Variants in SCMH1 observed in about 807,000 individuals in gnomAD.
The protein encoded by SCMH1 is Scm polycomb group protein homolog 1, also known as polycomb protein SCMH1.
SCMH1 carries 37 observed loss-of-function variants against 70.8 expected under a neutral mutation model. The ratio of observed to expected loss-of-function variants is 0.52; its 90% confidence interval spans 0.40 to 0.69. The LOEUF is 0.69. SCMH1 is among the 30% of genes least tolerant of loss of function. SCMH1 has a pLI of 0.00. For synonymous variants in SCMH1, 292 were observed against 307.4 expected (o/e 0.95, Z 0.52); for missense variants, 607 against 827.3 (o/e 0.73, Z 3.27).
At chr1:41,186,065 C>T in intron 2 of SCMH1, 56 bp downstream of exon 2, 1 of 1,538,102 alleles carries the variant, frequency 6.5e-7, no homozygotes, top group East Asian at 2.5e-5. Context: ...TAAAGCCAGT[C>T]CTTGCTAGGT....
intron 1 of SCMH1, among the ~76,000 whole-genome samples, chr1:41,188,082 A>G (rs1650733755): frequency 1.3e-5 from 2 of 152,224 alleles, no homozygotes; most frequent in African/African-American, 4.8e-5. Flanking sequence ...AAAGATAGTA[A>G]TGGCACTAAG....
chr1:41,038,960 CCCT>C (rs1645706300), intron 12 of SCMH1, among the ~76,000 whole-genome samples: 1 of 152,112 alleles, frequency 6.6e-6, no homozygotes, highest in Admixed American at 6.5e-5. Flanking sequence ...AAAAATCATC[CCCT>C]ATCATGCTGA....
chr1:41,028,527 C>T, intron 14 of SCMH1, 57 bp downstream of exon 15: 1 of 1,605,444 alleles, frequency 6.2e-7, no homozygotes, highest in Non-Finnish European at 8.5e-7. Flanking sequence ...GTATTGTCCC[C>T]ACCAGGTGAG....
chr1:41,232,865 T>C (rs1378159918), intron 1 of SCMH1, among the ~76,000 whole-genome samples: 1 of 152,222 alleles, frequency 6.6e-6, no homozygotes, highest in Non-Finnish European at 1.5e-5. Context: ...ACAAATTGGA[T>C]AAATGAATTC....
intron 8 of SCMH1, among the ~76,000 whole-genome samples, chr1:41,081,814 T>C (rs1660113566): frequency 1.9e-5 from 1 of 53,502 alleles, no homozygotes; most frequent in Admixed American, 2.1e-4. Flanking sequence ...AATAAGACTC[T>C]GTCTTAAAAA....
At chr1:41,088,650 G>A (rs1466112813) in intron 8 of SCMH1, among the ~76,000 whole-genome samples, 1 of 151,924 alleles carries the variant, frequency 6.6e-6, no homozygotes, top group Non-Finnish European at 1.5e-5. Flanking sequence ...TCACAACTGT[G>A]TTTTAAATGA....
At chr1:41,052,798 A>T (rs1648690266) in intron 10 of SCMH1, among the ~76,000 whole-genome samples, 1 of 152,186 alleles carries the variant, frequency 6.6e-6, no homozygotes, top group African/African-American at 2.4e-5. Context: ...ATCAGCATAA[A>T]GGTGGAAGTG....
intron 2 of SCMH1, among the ~76,000 whole-genome samples, chr1:41,176,984 T>A (rs1647197333): frequency 6.6e-6 from 1 of 152,144 alleles, no homozygotes; most frequent in African/African-American, 2.4e-5. Context: ...GTAGCCTAAC[T>A]GGGAGGCACC....
intron 8 of SCMH1, among the ~76,000 whole-genome samples, chr1:41,103,829 T>C (rs1667205581): frequency 6.6e-6 from 1 of 150,894 alleles, no homozygotes; most frequent in South Asian, 2.1e-4. Context: ...GGAATGGGAG[T>C]TTTTTTTTCT....
intron 6 of SCMH1, among the ~76,000 whole-genome samples, chr1:41,130,249 C>A (rs1230901600): frequency 6.6e-6 from 1 of 152,048 alleles, no homozygotes. Context: ...AACACAGTTG[C>A]AGGAGTTTTT....
At chr1:41,190,969 G>C (rs1402011381) in intron 1 of SCMH1, among the ~76,000 whole-genome samples, 1 of 152,132 alleles carries the variant, frequency 6.6e-6, no homozygotes, top group African/African-American at 2.4e-5. Flanking sequence ...CAAACTCCTG[G>C]ACTCACGCAA....
intron 1 of SCMH1, among the ~76,000 whole-genome samples, chr1:41,232,894 C>T (rs974511966): frequency 1.3e-5 from 2 of 152,080 alleles, no homozygotes; most frequent in Non-Finnish European, 2.9e-5. Context: ...TTTCACATGC[C>T]TTTTGCTTTT....
chr1:41,105,108 A>G (rs1173965860), intron 8 of SCMH1, among the ~76,000 whole-genome samples: 1 of 151,194 alleles, frequency 6.6e-6, no homozygotes, highest in African/African-American at 2.4e-5. Flanking sequence ...GATGCCCACC[A>G]TCATGCTCAG....
intron 2 of SCMH1, among the ~76,000 whole-genome samples, chr1:41,167,907 GT>G (rs202043541): frequency 4.0e-5 from 2 of 49,706 alleles, no homozygotes; most frequent in Non-Finnish European, 7.4e-5. Flanking sequence ...TGCTGGCAGT[GT>G]TTTGTTTTTT....
chr1:41,086,626 C>T (rs981074587), intron 8 of SCMH1, among the ~76,000 whole-genome samples: 4 of 151,936 alleles, frequency 2.6e-5, no homozygotes, highest in African/African-American at 9.7e-5. Context: ...AAACCACAAC[C>T]AGGCACTGTA....
intron 1 of SCMH1, among the ~76,000 whole-genome samples, chr1:41,195,085 C>T (rs1652682162): frequency 8.4e-6 from 1 of 118,906 alleles, no homozygotes; most frequent in African/African-American, 3.2e-5. Flanking sequence ...GAGCTAAGAT[C>T]ATACCATTGC....
chr1:41,042,391 A>G (rs773195496), intron 12 of SCMH1, among the ~76,000 whole-genome samples: 17 of 151,754 alleles, frequency 1.1e-4, no homozygotes, highest in Non-Finnish European at 2.2e-4. Flanking sequence ...TGGGATTACA[A>G]GCATGCACCA....
At chr1:41,209,618 CAT>C (rs1223327058) in intron 1 of SCMH1, among the ~76,000 whole-genome samples, 3 of 152,230 alleles carry the variant, frequency 2.0e-5, no homozygotes, top group South Asian at 2.1e-4. Flanking sequence ...ACAAAAACCA[CAT>C]GATTATCTCA....
At chr1:41,067,418 TG>T (rs1396139082) in intron 10 of SCMH1, among the ~76,000 whole-genome samples, 1 of 134,100 alleles carries the variant, frequency 7.5e-6, no homozygotes, top group Non-Finnish European at 1.5e-5. Flanking sequence ...CACTTCAGCC[TG>T]GGCGACAGAG....
Sources: allele counts gnomAD v4.1 joint callset (sites outside exome capture counted in the v4.1 genomes callset), GRCh38; gene constraint gnomAD v4.1.1; transcripts MANE v1.5; gene names NCBI Gene and HGNC (gene_info 2026-07-23, HGNC 2026-07-21).